The following SYNE2 variants were observed in gnomAD, a reference collection of about 807,000 sequenced individuals.
The protein encoded by SYNE2 is nesprin-2.
A neutral mutation model predicts 856.3 loss-of-function variants in SYNE2; 431 were observed. The ratio of observed to expected loss-of-function variants is 0.50; its 90% CI spans 0.47 to 0.55. SYNE2 has a LOEUF of 0.55. Ranked by LOEUF, SYNE2 falls within the 20% of genes least tolerant of loss-of-function variation. The probability of loss-of-function intolerance (pLI) is 0.00; values close to 1 mark genes in which losing one functional copy is unlikely to be tolerated. For synonymous variants in SYNE2, 2,923 were observed against 2,872.3 expected (o/e 1.02, Z -0.56); for missense variants, 8,129 against 8,023.2 (o/e 1.01, Z -0.50).
chr14:64,132,999 G>A (rs1335459174), intron 77 of SYNE2, among the ~76,000 whole-genome samples: 2 of 151,884 alleles, frequency 1.3e-5, no homozygotes, highest in Non-Finnish European at 2.9e-5. Flanking sequence ...TCAGGAGATC[G>A]AGACCATCCT....
At chr14:63,878,508 T>C (rs1168172404) in intron 1 of SYNE2, among the ~76,000 whole-genome samples, 1 of 152,182 alleles carries the variant, frequency 6.6e-6, no homozygotes, top group African/African-American at 2.4e-5. Flanking sequence ...ATTTTGTTTC[T>C]GCTGCTGAAG....
At chr14:63,948,772 A>ATATGTGTGTG (rs1411444415) in intron 6 of SYNE2, among the ~76,000 whole-genome samples, 7 of 54,894 alleles carry the variant, frequency 1.3e-4, no homozygotes, top group African/African-American at 4.4e-4. Context: ...ATATATATGT[A>ATATGTGTGTG]TGTGTGTGTG....
intron 83 of SYNE2, 22 bp from the exon 84 acceptor site, chr14:64,146,046 T>G (rs774770615): frequency 6.7e-7 from 1 of 1,496,940 alleles, no homozygotes; most frequent in Non-Finnish European, 9.0e-7. Flanking sequence ...TAACATTTTT[T>G]GTAATCTTTA....
chr14:63,970,119 A>T (rs998132702), intron 11 of SYNE2, among the ~76,000 whole-genome samples: 1 of 151,808 alleles, frequency 6.6e-6, no homozygotes, highest in Non-Finnish European at 1.5e-5. Flanking sequence ...ATCTATTTGG[A>T]GTCTTTATAT....
rs1204407226 is a variant in SYNE2 at position 63,970,661 on chromosome 14, T to C, written c.1128+2815T>C. Among the ~76,000 whole-genome samples the C allele has an allele frequency of 4.9e-5, 7 of 143,588 alleles. No individual in the cohort carries two copies. The South Asian group carries it at 1.4e-3, about 28-fold the overall frequency. 94.2% of individuals were successfully genotyped at this position (143,588 alleles called of 152,430 possible). On this transcript the variant is annotated intron_variant, in intron 11 of 115. Transcript: ENST00000555002. The stretch of plus-strand genomic sequence containing the variant: ...TTTCTTTTCTTTTTTCTTTTTTTTT[T>C]TTTTTTTTTTGAGATATAGTCTCTC...
chr14:63,884,742 T>G (rs1185721803), intron 1 of SYNE2, among the ~76,000 whole-genome samples: 1 of 152,066 alleles, frequency 6.6e-6, no homozygotes, highest in East Asian at 1.9e-4. Context: ...AAGACAGTGA[T>G]GAAGTAGGAA....
At position 63,986,624 on chromosome 14, in the gene SYNE2, G is replaced by A. The variant is rs746189026; in HGVS notation, c.2313+7G>A. ...AATGGAAGAATCTTTGAAGGTATGT[G>A]TGTAAAAGTATTAAGAGGGTACTTT... On this transcript the variant is annotated splice_region_variant and intron_variant, in intron 19 of 115. Coordinates refer to ENST00000555002, the MANE Select transcript of SYNE2 (RefSeq NM_182914.3). 9 of 1,613,750 alleles carry A rather than the reference G, an allele frequency of 5.6e-6. No homozygotes were observed. In the African/African-American group the frequency reaches 9.3e-5, roughly 17 times the overall value.
Position 64,129,912 on chromosome 14 carries a change from G to A in SYNE2, c.14139+11G>A. On this transcript the variant is annotated intron_variant, in intron 75 of 115. Coordinates refer to ENST00000555002, the MANE Select transcript of SYNE2 (RefSeq NM_182914.3). Reference sequence around the variant, plus strand: ...GTTTACAAATTAGAGGTATGCCTGAGCAGAAAACATTGACTCAGCACTGTG... The same window carrying A: ...GTTTACAAATTAGAGGTATGCCTGAACAGAAAACATTGACTCAGCACTGTG... 1 of 1,614,144 alleles carries A rather than the reference G, an allele frequency of 6.2e-7. No individual in the cohort carries two copies. The highest frequency in any genetic ancestry group is 1.1e-5 in the South Asian group (1 of 91,074).
intron 84 of SYNE2, among the ~76,000 whole-genome samples, chr14:64,151,161 T>G (rs2098238318): frequency 6.6e-6 from 1 of 152,096 alleles, no homozygotes; most frequent in Non-Finnish European, 1.5e-5. Context: ...TTTTCCCTTT[T>G]TCTACTTTCC....
chr14:63,899,176 G>T (rs35672192), intron 1 of SYNE2, among the ~76,000 whole-genome samples: 3 of 151,722 alleles, frequency 2.0e-5, no homozygotes, highest in African/African-American at 2.4e-5. Context: ...TGAATGTCAG[G>T]TTTTTTAGCT....
intron 106 of SYNE2, 75 bp downstream of exon 106, chr14:64,214,545 G>C: frequency 3.5e-6 from 5 of 1,418,696 alleles, no homozygotes; most frequent in Non-Finnish European, 4.8e-6. Context: ...AACACGGCCA[G>C]CTCTCAATGA....
chr14:64,148,195 G>T (rs1303791052), intron 84 of SYNE2, among the ~76,000 whole-genome samples: 2 of 152,082 alleles, frequency 1.3e-5, no homozygotes, highest in Admixed American at 1.3e-4. Context: ...CATGCCTGTA[G>T]TCCCAGCTAC....
chr14:64,131,420 C>T (rs975539995), intron 76 of SYNE2, among the ~76,000 whole-genome samples: 1 of 152,170 alleles, frequency 6.6e-6, no homozygotes, highest in Non-Finnish European at 1.5e-5. Context: ...GCAGCAAATT[C>T]CCTTTATTTA....
chr14:63,917,243 C>T (rs879449359), intron 2 of SYNE2, among the ~76,000 whole-genome samples: 14 of 152,004 alleles, frequency 9.2e-5, no homozygotes, highest in Non-Finnish European at 1.8e-4. Flanking sequence ...CTTCTCTAAC[C>T]AATTCAGATT....
chr14:63,932,876 C>T (rs191797856), intron 2 of SYNE2, among the ~76,000 whole-genome samples: 373 of 152,226 alleles, frequency 2.5e-3, no homozygotes, highest in Non-Finnish European at 4.1e-3. Context: ...AAGGGTGAAA[C>T]GTCGTTGGCG....
chr14:64,056,307 A>G (rs971979813), intron 49 of SYNE2, 41 bp downstream of exon 49: 3 of 1,538,584 alleles, frequency 1.9e-6, no homozygotes, highest in Admixed American at 1.7e-5. Context: ...AACATAAAAT[A>G]TTGTTTCAAG....
intron 2 of SYNE2, among the ~76,000 whole-genome samples, chr14:63,919,291 T>C (rs911855949): frequency 2.0e-5 from 3 of 152,186 alleles, no homozygotes; most frequent in African/African-American, 7.2e-5. Context: ...TTAAGTGAGT[T>C]TATATCATAG....
chr14:63,939,180 G>GGCTA (rs1455605754), intron 2 of SYNE2, among the ~76,000 whole-genome samples: 2 of 152,018 alleles, frequency 1.3e-5, no homozygotes, highest in African/African-American at 4.8e-5. Flanking sequence ...TTGAGTGCAG[G>GGCTA]GCTAACCCTT....
intron 45 of SYNE2, among the ~76,000 whole-genome samples, chr14:64,035,852 C>T (rs2153553920): frequency 1.3e-5 from 2 of 151,526 alleles, no homozygotes; most frequent in African/African-American, 2.4e-5. Context: ...TATCACAATG[C>T]CCAGCTAATT....
Sources: gnomAD v4.1 joint callset for allele counts (sites outside exome capture counted in the v4.1 genomes callset) on GRCh38, gnomAD v4.1.1 for gene constraint, MANE v1.5 for transcripts, NCBI Gene and HGNC (gene_info 2026-07-23, HGNC 2026-07-21) for gene names.